PRDM10: variants seen among roughly 807,000 people sequenced by gnomAD.
PRDM10 encodes the protein PR/SET domain 10.
Under a neutral mutation model 133.1 loss-of-function variants are expected in PRDM10, and 65 were observed. The ratio of observed to expected loss-of-function variants is 0.49; its 90% CI spans 0.40 to 0.60. The LOEUF (loss-of-function observed/expected upper bound fraction) is 0.60, where lower values mean the gene tolerates loss of function less well. Among genes scored for constraint, PRDM10 ranks in the 20% least tolerant of loss-of-function variants. The pLI is 0.00. For synonymous variants in PRDM10, 582 were observed against 580.4 expected, an observed-to-expected ratio of 1.00 and a Z score of -0.04; for missense variants, 1,137 against 1,507.1, an observed-to-expected ratio of 0.75 and a Z score of 4.07.
rs1951375804 is a variant in PRDM10, at chr11:129,945,499, C to T, written c.521-487G>A. Among the ~76,000 whole-genome samples the T allele has an allele frequency of 6.6e-6, 1 of 152,152 alleles. No homozygotes were observed. The highest frequency in any genetic ancestry group is 1.5e-5 in the Non-Finnish European group (1 of 68,018). On this transcript the variant is annotated intron_variant, in intron 5 of 20. Coordinates refer to ENST00000360871, the MANE Select transcript of PRDM10 (RefSeq NM_199437.2). The surrounding 1 kb of genome is among the most constrained non-coding windows in gnomAD (Gnocchi z 4.2). ...GAGTTACAGAAGTCTTATATCTCAG[C>T]CTAACTCAAACGGAAAAAGGGTTGT...
chr11:129,925,720 AAAC>A (rs573773933), intron 11 of PRDM10, among the ~76,000 whole-genome samples: 346 of 96,898 alleles, frequency 3.6e-3, no homozygotes, highest in Middle Eastern at 9.4e-3. Context: ...ACAAACAAAC[AAAC>A]AAAAAAACAA....
At chr11:129,932,024 T>C in intron 10 of PRDM10, 78 bp downstream of exon 10, 1 of 1,506,124 alleles carries the variant, frequency 6.6e-7, no homozygotes, top group Non-Finnish European at 9.0e-7. Flanking sequence ...GGAAGGTCTT[T>C]GTACTTAGGT....
intron 5 of PRDM10, among the ~76,000 whole-genome samples, chr11:129,946,536 G>A (rs1279661829): frequency 6.6e-6 from 1 of 152,116 alleles, no homozygotes; most frequent in Non-Finnish European, 1.5e-5. Flanking sequence ...TCTTGGTGGT[G>A]GAATGTGAAC....
intron 1 of PRDM10, among the ~76,000 whole-genome samples, chr11:129,986,819 A>G (rs1209521381): frequency 1.3e-5 from 2 of 152,216 alleles, no homozygotes; most frequent in East Asian, 3.8e-4. Context: ...TAACATGGTT[A>G]CAGCAGGACC....
At chr11:129,968,017 G>C (rs1056702774) in intron 1 of PRDM10, among the ~76,000 whole-genome samples, 1 of 152,130 alleles carries the variant, frequency 6.6e-6, no homozygotes, top group African/African-American at 2.4e-5. Context: ...AGGAGCTCCT[G>C]CCTTCATCAG....
rs202242970 is a variant in PRDM10, at chr11:129,910,604, C to A, written c.3035G>T (p.Ser1012Ile). ...AGAACTGCCCTGGATGTGGGAGGGG[C>A]TGAGCCCCTGCTGAGCCTGCTGGGC... ...PSAQQAQQGL[S>I]PSHIQGSSST... The change falls in exon 19 of 21, where the codon AGC (serine) becomes ATC (isoleucine). Residue 1012 changes from serine (S) to isoleucine (I), a missense_variant. Transcript: ENST00000360871. 735 of 1,612,562 alleles carry A rather than the reference C, an allele frequency of 4.6e-4. 3 individuals carry two copies. Among genetic ancestry groups the A allele is most frequent in the Non-Finnish European group, 5.9e-4 (696 of 1,179,130 alleles).
At chr11:129,980,994 C>T (rs1050483988) in intron 1 of PRDM10, among the ~76,000 whole-genome samples, 1 of 151,450 alleles carries the variant, frequency 6.6e-6, no homozygotes, top group African/African-American at 2.4e-5. Flanking sequence ...GCCTCAGCCT[C>T]CCGAGTAGCT....
At position 129,920,080 on chromosome 11, in the gene PRDM10, C is replaced by G. The variant is rs118096202; in HGVS notation, c.2035-1362G>C. Among the ~76,000 whole-genome samples the G allele has an allele frequency of 7.8e-4, 119 of 152,154 alleles. 2 individuals carry two copies. In the Middle Eastern group the frequency reaches 0.034, roughly 43 times the overall value. On this transcript the variant is annotated intron_variant, in intron 13 of 20. Coordinates refer to ENST00000360871, the MANE Select transcript of PRDM10 (RefSeq NM_199437.2). ...GTTGCATTGCCACTTTTTTTCTTTT[C>G]CTTTTCCTCCAACTCCTCTCGCATT...
At position 129,920,577 on chromosome 11, in the gene PRDM10, C is replaced by T. The variant is rs180901673; in HGVS notation, c.2035-1859G>A. On this transcript the variant is annotated intron_variant, in intron 13 of 20. Transcript: ENST00000360871. ...CACAGCGCGCTAGCTTAACCCGCTT[C>T]CCTGGCTTCCTCTTGCCACACCCTC... is the stretch of plus-strand genomic sequence containing the variant. Among the ~76,000 whole-genome samples the T allele has an allele frequency of 3.7e-3, 555 of 152,050 alleles. 3 individuals are homozygous for T. Among genetic ancestry groups the T allele is most frequent in the African/African-American group, 0.013 (531 of 41,448 alleles).
Position 129,947,739 on chromosome 11 carries a change from C to T in PRDM10, c.295-369G>A. On this transcript the variant is annotated intron_variant, in intron 4 of 20. Transcript: ENST00000360871. This position sits in a 1 kb window ranked among gnomAD's most constrained non-coding sequence, Gnocchi z 4.6. The stretch of plus-strand genomic sequence containing the variant: ...AAAACTTAATAAAACCTGGTCTCTT[C>T]CTGGCTCATTCAGCCGTTTCACACT... 2.4e-6 allele frequency: 1 copy of T among 411,076 alleles called. No homozygotes were observed. Among genetic ancestry groups the T allele is most frequent in the Non-Finnish European group, 4.5e-6 (1 of 223,562 alleles). 25.5% of individuals were successfully genotyped at this position (411,076 alleles called of 1,614,324 possible). A position where few individuals can be genotyped will look rare whatever the true frequency, so the allele number is the denominator to read the frequency against.
intron 4 of PRDM10, among the ~76,000 whole-genome samples, chr11:129,948,604 G>T (rs578258084): frequency 6.6e-6 from 1 of 152,306 alleles, no homozygotes; most frequent in South Asian, 2.1e-4. Context: ...GACAATTTCT[G>T]TGGAGCCCAG....
chr11:129,956,416 T>C (rs1951698076), intron 3 of PRDM10, among the ~76,000 whole-genome samples: 2 of 151,904 alleles, frequency 1.3e-5, no homozygotes. Flanking sequence ...ATACGAAAAT[T>C]AGCTTGTTGT....
intron 3 of PRDM10, 85 bp downstream of exon 3, chr11:129,957,661 T>A: frequency 6.6e-7 from 1 of 1,503,990 alleles, no homozygotes; most frequent in Non-Finnish European, 9.0e-7. Context: ...CACCAGTACC[T>A]AGCACAATGA....
At chr11:129,917,844 C>G (rs1039904165) in intron 14 of PRDM10, among the ~76,000 whole-genome samples, 1 of 152,176 alleles carries the variant, frequency 6.6e-6, no homozygotes, top group African/African-American at 2.4e-5. Flanking sequence ...AAGGAAACAG[C>G]TGGGGGCTGG....
Position 129,923,484 on chromosome 11 carries a change from G to A in PRDM10, c.1879-81C>T. 1.4e-6 allele frequency: 2 copies of A among 1,425,848 alleles called. No individual in the cohort carries two copies. The highest frequency in any genetic ancestry group is 1.9e-6 in the Non-Finnish European group (2 of 1,072,180). The allele number at this position is 1,425,848 out of a possible 1,614,324, so 88.3% of individuals were successfully genotyped here. A position where few individuals can be genotyped will look rare whatever the true frequency, so the allele number is the denominator to read the frequency against. On this transcript the variant is annotated intron_variant, in intron 12 of 20. Transcript: ENST00000360871. This position sits in a 1 kb window ranked among gnomAD's most constrained non-coding sequence, Gnocchi z 4.4. The stretch of plus-strand genomic sequence containing the variant: ...CAAAGGCAGCTTGTCAACGCTAGAG[G>A]GAGCCAAACGCATTACCATGGGTTT...
intron 19 of PRDM10, among the ~76,000 whole-genome samples, chr11:129,906,242 T>C (rs1249818767): frequency 1.3e-5 from 2 of 152,198 alleles, no homozygotes; most frequent in Non-Finnish European, 2.9e-5. Context: ...GAGAGTTTCT[T>C]GGGAAAATGG....
intron 1 of PRDM10, among the ~76,000 whole-genome samples, chr11:129,984,097 C>T (rs1339459571): frequency 6.6e-6 from 1 of 152,172 alleles, no homozygotes; most frequent in East Asian, 1.9e-4. Flanking sequence ...TTCCCCTCCA[C>T]CATCCTGACT....
chr11:129,993,591 T>C (rs1938872170), intron 1 of PRDM10, among the ~76,000 whole-genome samples: 1 of 152,130 alleles, frequency 6.6e-6, no homozygotes, highest in East Asian at 1.9e-4. Context: ...TTCACACCAT[T>C]CTCCTGCCTC....
At chr11:129,977,639 A>G (rs1483003980) in intron 1 of PRDM10, among the ~76,000 whole-genome samples, 3 of 152,144 alleles carry the variant, frequency 2.0e-5, no homozygotes, top group African/African-American at 7.2e-5. Context: ...GTTAGGGGAA[A>G]TATGCCTGAG....
Sources: allele counts gnomAD v4.1 joint callset (sites outside exome capture counted in the v4.1 genomes callset), GRCh38; gene constraint gnomAD v4.1.1; non-coding constraint Gnocchi (gnomAD v3.1); transcripts MANE v1.5; gene names NCBI Gene and HGNC (gene_info 2026-07-23, HGNC 2026-07-21).